Variants in GNPTAB observed in about 807,000 individuals in gnomAD.
GNPTAB encodes the protein N-acetylglucosamine-1-phosphate transferase subunits alpha and beta, also known as N-acetylglucosamine-1-phosphotransferase subunits alpha/beta.
GNPTAB carries 92 observed loss-of-function variants against 136.6 expected under a neutral mutation model. That is an observed-to-expected ratio of 0.67 (90% CI 0.57 to 0.80). GNPTAB has a LOEUF of 0.80. GNPTAB is among the 30% of genes least tolerant of loss of function. The pLI, the probability that GNPTAB is intolerant of heterozygous loss-of-function variation, is 0.00. For missense variants in GNPTAB, 1,343 were observed against 1,501.8 expected (o/e 0.89, Z 1.75); for synonymous variants, 512 against 535.1 (o/e 0.96, Z 0.60).
intron 19 of GNPTAB, among the ~76,000 whole-genome samples, chr12:101,750,952 C>A (rs1334113795): frequency 6.6e-6 from 1 of 152,092 alleles, no homozygotes; most frequent in East Asian, 1.9e-4. Context: ...TAGTGAAATG[C>A]TTATATACTT....
intron 1 of GNPTAB, chr12:101,810,531 G>A (rs1387275962): frequency 2.0e-5 from 3 of 149,726 alleles, no homozygotes; most frequent in African/African-American, 7.4e-5. Flanking sequence ...GCTCACCATG[G>A]GTGACCTTTC....
chr12:101,761,296 T>C lies in GNPTAB; in HGVS notation c.2966A>G (p.Glu989Gly), dbSNP rs1222574263. Residue 989 changes from glutamate (E) to glycine (G), a missense_variant, in exon 15 of 21, where the codon GAG (glutamate) becomes GGG (glycine). Physicochemically the swap from Glu to Gly is moderately conservative, Grantham distance 98. Coordinates refer to ENST00000299314, the MANE Select transcript of GNPTAB (RefSeq NM_024312.5). ...ATAAGAGAAGGCAAACTGCATATCC[T>C]CAGAATGGCGCACTTTGTGAAATGA... The part of the protein sequence containing the change: ...KTSFHKVRHS[E>G]DMQFAFSYFY... 1 of 1,614,028 alleles carries C rather than the reference T, an allele frequency of 6.2e-7. No homozygotes were observed. Among genetic ancestry groups the C allele is most frequent in the Non-Finnish European group, 8.5e-7 (1 of 1,180,042 alleles).
intron 20 of GNPTAB, 45 bp from the exon 21 acceptor site, chr12:101,747,286 T>C (rs2137095919): frequency 1.8e-6 from 2 of 1,120,054 alleles, no homozygotes; most frequent in East Asian, 4.7e-5. Flanking sequence ...CTCACGTTGA[T>C]GAAAGAATAT....
chr12:101,778,914 A>G (rs1410670446), intron 7 of GNPTAB: 5 of 152,090 alleles, frequency 3.3e-5, no homozygotes, highest in Admixed American at 3.3e-4. Context: ...CAAAAAAAAA[A>G]AGCTATGAAG....
At chr12:101,768,547 G>T (rs10492085) in intron 10 of GNPTAB, among the ~76,000 whole-genome samples, 1 of 152,034 alleles carries the variant, frequency 6.6e-6, no homozygotes, top group South Asian at 2.1e-4. Flanking sequence ...CTGCTTTTCT[G>T]TAACTATCAG....
intron 11 of GNPTAB, 22 bp from the exon 12 acceptor site, chr12:101,766,316 G>A: frequency 6.3e-7 from 1 of 1,593,504 alleles, no homozygotes; most frequent in Non-Finnish European, 8.6e-7. Flanking sequence ...AGGAAGAAGA[G>A]GGATTCTTGC....
At chr12:101,757,909 T>C (rs1952926877) in intron 16 of GNPTAB, among the ~76,000 whole-genome samples, 1 of 152,208 alleles carries the variant, frequency 6.6e-6, no homozygotes, top group African/African-American at 2.4e-5. Context: ...TATTGGATCA[T>C]GGCAAAAACC....
At chr12:101,793,825 C>G (rs908115019) in intron 2 of GNPTAB, among the ~76,000 whole-genome samples, 1 of 152,010 alleles carries the variant, frequency 6.6e-6, no homozygotes, top group Non-Finnish European at 1.5e-5. Flanking sequence ...AGTATTTTGT[C>G]TTACTTATTT....
Position 101,757,576 on chromosome 12 carries a change from AT to A in GNPTAB, c.3330del (p.Lys1110AsnfsTer16). On this transcript the variant is annotated frameshift_variant, in exon 17 of 21. Coordinates refer to ENST00000299314, the MANE Select transcript of GNPTAB (RefSeq NM_024312.5). LOFTEE classifies it high-confidence loss of function. ...GAGTATGCGTGTACTACTTACCTAT[AT>A]TTGTTTTTGTCCTTATATGCTTTGT... ...KIHKAYKDKN[K>X]YRFEIMGEEE... The A allele has an allele frequency of 6.8e-7, 1 of 1,461,308 alleles. No individual in the cohort carries two copies. Among genetic ancestry groups the A allele is most frequent in the Non-Finnish European group, 9.6e-7 (1 of 1,040,936 alleles). The allele number at this position is 1,461,308 out of a possible 1,614,324, so 90.5% of individuals were successfully genotyped here.
At chr12:101,827,261 T>A (rs1344672111) in intron 1 of GNPTAB, among the ~76,000 whole-genome samples, 1 of 152,108 alleles carries the variant, frequency 6.6e-6, no homozygotes, top group Non-Finnish European at 1.5e-5. Flanking sequence ...CCCAAGCAAC[T>A]GGGACTACTC....
chr12:101,827,160 C>T (rs1482041493), intron 1 of GNPTAB, among the ~76,000 whole-genome samples: 6 of 151,898 alleles, frequency 4.0e-5, no homozygotes, highest in African/African-American at 1.2e-4. Flanking sequence ...GACAAGGTTT[C>T]ACTCTGTCAC....
intron 19 of GNPTAB, among the ~76,000 whole-genome samples, chr12:101,749,933 A>G (rs1952792255): frequency 6.6e-6 from 1 of 152,236 alleles, no homozygotes; most frequent in African/African-American, 2.4e-5. Flanking sequence ...AAAGTGGATG[A>G]AACAGACAGG....
intron 1 of GNPTAB, among the ~76,000 whole-genome samples, chr12:101,830,004 CA>C (rs35884808): frequency 0.078 from 8,252 of 106,080 alleles, 503 homozygotes; most frequent in African/African-American, 0.2. Context: ...AACCTCCTAC[CA>C]AAAAAAAAAA....
intron 19 of GNPTAB, among the ~76,000 whole-genome samples, chr12:101,753,000 C>T (rs1952842302): frequency 6.6e-6 from 1 of 152,160 alleles, no homozygotes; most frequent in South Asian, 2.1e-4. Flanking sequence ...CACCTGTAAT[C>T]CCAGCACTTT....
chr12:101,754,863 T>C (rs1360254304), intron 18 of GNPTAB, among the ~76,000 whole-genome samples: 1 of 152,130 alleles, frequency 6.6e-6, no homozygotes, highest in Non-Finnish European at 1.5e-5. Flanking sequence ...AAGTGTAAGA[T>C]AGCTATAGAA....
intron 1 of GNPTAB, among the ~76,000 whole-genome samples, chr12:101,809,109 A>G (rs889786395): frequency 9.2e-5 from 14 of 152,374 alleles, no homozygotes; most frequent in Admixed American, 2.6e-4. Context: ...AAACAACCCA[A>G]TTAAAAACTG....
intron 1 of GNPTAB, among the ~76,000 whole-genome samples, chr12:101,825,926 C>G (rs1029428227): frequency 1.1e-4 from 17 of 152,224 alleles, no homozygotes; most frequent in African/African-American, 3.9e-4. Context: ...ACAATTTGTG[C>G]TGCACCTAGG....
At chr12:101,799,052 A>T (rs775987407) in intron 1 of GNPTAB, among the ~76,000 whole-genome samples, 22 of 120,394 alleles carry the variant, frequency 1.8e-4, no homozygotes, top group Middle Eastern at 5.2e-3. Flanking sequence ...ATTGTTTTTT[A>T]AAAAAAAAGG....
chr12:101,787,853 C>T (rs1264715049), intron 4 of GNPTAB, among the ~76,000 whole-genome samples: 2 of 138,028 alleles, frequency 1.4e-5, no homozygotes, highest in Non-Finnish European at 3.0e-5. Context: ...GCGGAGGTTG[C>T]GGTGAGCCGA....
Sources: gnomAD v4.1 joint callset for allele counts (sites outside exome capture counted in the v4.1 genomes callset) on GRCh38, gnomAD v4.1.1 for gene constraint, MANE v1.5 for transcripts, NCBI Gene and HGNC (gene_info 2026-07-23, HGNC 2026-07-21) for gene names.